The following U2AF1L4 variants were observed in gnomAD, a reference collection of about 807,000 sequenced individuals.
U2AF1L4 encodes the protein splicing factor U2AF 26 kDa subunit.
Under a neutral mutation model 21.7 loss-of-function variants are expected in U2AF1L4, and 21 were observed. The observed-to-expected ratio is 0.97, with a 90% CI of 0.69 to 1.39. U2AF1L4 has a LOEUF of 1.39. Among genes scored for constraint, U2AF1L4 ranks in the 40% most tolerant of loss-of-function variants. U2AF1L4 has a pLI of 0.00. For synonymous variants in U2AF1L4, 92 were observed against 89.7 expected (o/e 1.03, Z -0.15); for missense variants, 259 against 245.7 (o/e 1.05, Z -0.36).
Position 35,744,379 on chromosome 19 carries a change from C to T in U2AF1L4, c.175G>A (p.Glu59Lys), listed in dbSNP as rs771848094. The change falls in exon 3 of 6, where the codon GAG becomes AAG. Residue 59 changes from glutamate (E) to lysine (K), a missense_variant. Transcript: ENST00000378975. Reference protein sequence around the residue: ...ELQEKYGEIEEMNVCDNLGDH... With the variant: ...ELQEKYGEIEKMNVCDNLGDH... ...CCAAGGTTGTCGCACACATTCATCT[C>T]TTCAATCTCCCCATACTTCTCCTGC... The T allele has an allele frequency of 1.2e-6, 2 of 1,614,192 alleles. No homozygotes were observed. The highest frequency in any genetic ancestry group is 1.1e-5 in the South Asian group (1 of 91,088).
Position 35,745,047 on chromosome 19 carries a change from C to A in U2AF1L4, c.132+78G>T, listed in dbSNP as rs1312044972. 2.7e-5 allele frequency: 38 copies of A among 1,422,978 alleles called. No homozygotes were observed. The Middle Eastern group carries it at 1.7e-3, about 62-fold the overall frequency. The allele number at this position is 1,422,978 out of a possible 1,614,324, so 88.1% of individuals were successfully genotyped here. On this transcript the variant is annotated intron_variant, in intron 2 of 5. Transcript: ENST00000378975. ...GAGGGACTCAGGAACCCGGAATAGG[C>A]GGGACATGGTGACGACGGCCCCAGA...
intron 2 of U2AF1L4, chr19:35,744,625 C>T: frequency 1.3e-6 from 2 of 1,536,782 alleles, no homozygotes; most frequent in Non-Finnish European, 1.7e-6. Context: ...CCCTTACTCA[C>T]AGTGTGATCC....
chr19:35,742,987 C>T, intron 5 of U2AF1L4, 184 bp from the exon 6 acceptor site: 2 of 652,312 alleles, frequency 3.1e-6, no homozygotes, highest in Non-Finnish European at 5.3e-6. Context: ...GCAATCCAGG[C>T]TGGTCGTGGA....
chr19:35,742,806 G>T lies in U2AF1L4; in HGVS notation c.462-3C>A. ...CAGTATGGAACCTCGGGGGTGACCT[G>T]GGAATAGGAGCGTTGAGAGTTCTGT... On this transcript the variant is annotated splice_polypyrimidine_tract_variant and splice_region_variant and intron_variant, in intron 5 of 5. Transcript: ENST00000378975. 6.2e-7 allele frequency: 1 copy of T among 1,609,496 alleles called. No individual in the cohort carries two copies.
At chr19:35,744,866 G>A (rs1367614006) in intron 2 of U2AF1L4, 4 of 806,062 alleles carry the variant, frequency 5.0e-6, no homozygotes, top group Non-Finnish European at 7.9e-6. Flanking sequence ...GACTGGCAAG[G>A]ATGAACAGCG....
At chr19:35,744,713 GC>G in intron 2 of U2AF1L4, 1 of 1,536,084 alleles carries the variant, frequency 6.5e-7, no homozygotes, top group South Asian at 1.2e-5. Flanking sequence ...TTTAAAAGGG[GC>G]GGGGCCTGAG....
In U2AF1L4 at chr19:35,744,410, T is replaced by C. The variant is rs775836883; in HGVS notation, c.144A>G (p.Thr48=). The C allele has an allele frequency of 8.1e-6, 13 of 1,614,206 alleles. No homozygotes were observed. The highest frequency in any genetic ancestry group is 1.0e-5 in the Non-Finnish European group (12 of 1,180,036). ...TCTCCCCATACTTCTCCTGCAGTTC[T>C]GTGAACACCTCCTGTGGAAGACGGG... ...NKPTFSQEVF[T]ELQEKYGEIE... The change falls in exon 3 of 6, where the codon ACA becomes ACG. Residue 48 remains threonine (T), a synonymous_variant. Coordinates refer to ENST00000378975, the MANE Select transcript of U2AF1L4 (RefSeq NM_001040425.3).
intron 1 of U2AF1L4, 39 bp downstream of exon 1, chr19:35,745,309 C>G: frequency 4.4e-6 from 7 of 1,601,046 alleles, no homozygotes; most frequent in African/African-American, 2.7e-5. Context: ...TACCCCGGCC[C>G]CGACCCCCCG....
At chr19:35,743,547 G>A (rs1970385243) in intron 5 of U2AF1L4, 1 of 489,264 alleles carries the variant, frequency 2.0e-6, no homozygotes, top group Admixed American at 3.3e-5. Flanking sequence ...AATTAGCCGG[G>A]CATGGTGGCA....
Position 35,742,817 on chromosome 19 carries a change from C to A in U2AF1L4, c.462-14G>T, listed in dbSNP as rs113010913. 5.6e-6 allele frequency: 9 copies of A among 1,606,578 alleles called. 1 individual carries two copies. The African/African-American group carries it at 1.1e-4, about 19-fold the overall frequency. On this transcript the variant is annotated splice_polypyrimidine_tract_variant and intron_variant, in intron 5 of 5. Coordinates refer to ENST00000378975, the MANE Select transcript of U2AF1L4 (RefSeq NM_001040425.3). The stretch of plus-strand genomic sequence containing the variant: ...CTCGGGGGTGACCTGGGAATAGGAG[C>A]GTTGAGAGTTCTGTTAGAACCCTGA...
intron 5 of U2AF1L4, 55 bp from the exon 6 acceptor site, chr19:35,742,858 T>C (rs1970332330): frequency 2.0e-6 from 3 of 1,507,126 alleles, no homozygotes; most frequent in South Asian, 1.1e-5. Flanking sequence ...GGTGCAGAGA[T>C]CCTGCAGGCC....
Position 35,742,787 on chromosome 19 carries a change from G to A in U2AF1L4, c.478C>T (p.His160Tyr). The change falls in exon 6 of 6, where the codon CAT (histidine) becomes TAT (tyrosine). Residue 160 changes from histidine (H) to tyrosine (Y), a missense_variant. His to Tyr is a moderately conservative substitution (Grantham distance 83, BLOSUM62 2). Coordinates refer to ENST00000378975, the MANE Select transcript of U2AF1L4 (RefSeq NM_001040425.3). ...CTCTCTCGGGGATGGTGGCCAGTAT[G>A]GAACCTCGGGGGTGACCTGGGAATA... ...GPRRRSPPRF[H>Y]TGHHPRERNH... is the part of the protein sequence containing the mutation. The A allele has an allele frequency of 1.2e-6, 2 of 1,611,064 alleles. No individual in the cohort carries two copies. Among genetic ancestry groups the A allele is most frequent in the Non-Finnish European group, 1.7e-6 (2 of 1,179,640 alleles).
rs1252794421 is a variant in U2AF1L4 at position 35,744,309 on chromosome 19, G to C, written c.231+14C>G. ...GCCTCCACTTCTGGGCCCTAAGTGG[G>C]GGGCAGCAAGCACCTTGACATAGAC... On this transcript the variant is annotated intron_variant, in intron 3 of 5. Transcript: ENST00000378975. The C allele has an allele frequency of 6.2e-7, 1 of 1,613,754 alleles. No homozygotes were observed. Among genetic ancestry groups the C allele is most frequent in the Admixed American group, 1.7e-5 (1 of 60,022 alleles).
intron 2 of U2AF1L4, 149 bp from the exon 3 acceptor site, chr19:35,744,570 G>A: frequency 6.4e-7 from 1 of 1,554,012 alleles, no homozygotes; most frequent in Non-Finnish European, 8.7e-7. Flanking sequence ...GGTGGAATCA[G>A]AGTGTAGCCT....
In U2AF1L4 at chr19:35,744,011, C is replaced by A. The variant is rs372530599; in HGVS notation, c.365+1G>T. ...CCCATCCCACCCTTGAACTACCATA[C>A]CCCATCTCATACTGGCGACAGCATG... On this transcript the variant is annotated splice_donor_variant, in intron 4 of 5. Transcript: ENST00000378975. LOFTEE classifies it high-confidence loss of function. The A allele has an allele frequency of 3.7e-6, 6 of 1,613,692 alleles. No homozygotes were observed. In the South Asian group the frequency reaches 4.4e-5, roughly 12 times the overall value.
Position 35,743,612 on chromosome 19 carries a change from G to A in U2AF1L4, c.461+197C>T, listed in dbSNP as rs574750468. The A allele has an allele frequency of 7.0e-4, 429 of 614,390 alleles. 12 individuals are homozygous for A. In the South Asian group the frequency reaches 7.4e-3, roughly 11 times the overall value. The allele number at this position is 614,390 out of a possible 1,614,324, so 38.1% of individuals were successfully genotyped here. Reference sequence around the variant, plus strand: ...CTGAGGCAGAGAATTGCTTGAACCCGGGAGGCGGAAGTTGCCATGAACCAA... The same window carrying A: ...CTGAGGCAGAGAATTGCTTGAACCCAGGAGGCGGAAGTTGCCATGAACCAA... On this transcript the variant is annotated intron_variant, in intron 5 of 5. Transcript: ENST00000378975.
chr19:35,744,088 TGAA>T lies in U2AF1L4; in HGVS notation c.286_288del (p.Phe96del). ...AGCTCACCGTGCACAGCCTGCCCGT[TGAA>T]CCAGCGGTTACTGAGTTCAGCCACG... On this transcript the variant is annotated inframe_deletion, in exon 4 of 6. Transcript: ENST00000378975. The T allele has an allele frequency of 6.2e-7, 1 of 1,614,034 alleles. No individual in the cohort carries two copies. The highest frequency in any genetic ancestry group is 2.2e-5 in the East Asian group (1 of 44,884).
Position 35,744,306 on chromosome 19 carries a change from TG to T in U2AF1L4, c.231+16del. ...AACGCCTCCACTTCTGGGCCCTAAG[TG>T]GGGGGCAGCAAGCACCTTGACATAG... On this transcript the variant is annotated intron_variant, in intron 3 of 5. Transcript: ENST00000378975. The T allele has an allele frequency of 1.9e-6, 3 of 1,613,700 alleles. No homozygotes were observed. The highest frequency in any genetic ancestry group is 2.2e-5 in the East Asian group (1 of 44,874).
At chr19:35,744,609 C>G (rs995930595) in intron 2 of U2AF1L4, 188 bp from the exon 3 acceptor site, 23 of 1,537,566 alleles carry the variant, frequency 1.5e-5, no homozygotes, top group Admixed American at 7.8e-5. Context: ...TGCCCCCAGG[C>G]CTGGTCCCTT....
Sources: allele counts gnomAD v4.1 joint callset, GRCh38; gene constraint gnomAD v4.1.1; transcripts MANE v1.5; gene names NCBI Gene and HGNC (gene_info 2026-07-23, HGNC 2026-07-21).